The following NSUN3 variants were observed in gnomAD, a reference collection of about 807,000 sequenced individuals.
NSUN3 encodes tRNA (cytosine(34)-C(5))-methyltransferase, mitochondrial.
NSUN3 carries 24 observed loss-of-function variants against 36.8 expected under a neutral mutation model. The observed-to-expected ratio is 0.65, with a 90% CI of 0.47 to 0.92. The LOEUF (loss-of-function observed/expected upper bound fraction) is 0.92, where lower values mean the gene tolerates loss of function less well. NSUN3 is among the 40% of genes least tolerant of loss of function. NSUN3 has a pLI of 0.00. For missense variants in NSUN3, 381 were observed against 392.8 expected, an observed-to-expected ratio of 0.97 and a Z score of 0.25; for synonymous variants, 146 against 145.2, an observed-to-expected ratio of 1.01 and a Z score of -0.04.
At position 94,095,227 on chromosome 3, in the gene NSUN3, G is replaced by A. The variant is rs960867267; in HGVS notation, c.743+73G>A. On this transcript the variant is annotated intron_variant, in intron 5 of 5. Transcript: ENST00000314622. ...ACACAGGCATAATAGAACATGTCAGGCCCCCAGTGGAGGGCTTGCTGTGTA... is the reference window on the plus strand; with the variant it reads ...ACACAGGCATAATAGAACATGTCAGACCCCCAGTGGAGGGCTTGCTGTGTA... 69 of 1,450,160 alleles carry A rather than the reference G, an allele frequency of 4.8e-5. No homozygotes were observed. The South Asian group carries it at 7.8e-4, about 16-fold the overall frequency. The allele number at this position is 1,450,160 out of a possible 1,614,324, so 89.8% of individuals were successfully genotyped here. A position where few individuals can be genotyped will look rare whatever the true frequency, so the allele number is the denominator to read the frequency against.
At position 94,130,034 on chromosome 3, in the gene NSUN3, G is replaced by A. The variant is rs898535607; in HGVS notation, c.*3544G>A. On this transcript the variant is annotated 3_prime_UTR_variant, in exon 6 of 6. Coordinates refer to ENST00000314622, the MANE Select transcript of NSUN3 (RefSeq NM_022072.5). ...CTCCCAAAGTGCTGGGATTACAGGC[G>A]TGAGCCACCACACCCACTGTGTATG... 2.0e-5 allele frequency among the ~76,000 whole-genome samples: 3 copies of A among 151,986 alleles called. No individual in the cohort carries two copies. In the East Asian group the frequency reaches 5.8e-4, roughly 29 times the overall value.
chr3:94,102,060 A>G (rs961865623), intron 5 of NSUN3, among the ~76,000 whole-genome samples: 4 of 152,132 alleles, frequency 2.6e-5, no homozygotes, highest in Non-Finnish European at 4.4e-5. Flanking sequence ...ACTACTTGAC[A>G]AGTAAAATCC....
rs752675599 is a variant in NSUN3, at chr3:94,084,343, C to CG, written c.359_360insG (p.Leu121SerfsTer41). The CG allele has an allele frequency of 5.0e-6, 8 of 1,614,020 alleles. No homozygotes were observed. In the African/African-American group the frequency reaches 1.1e-4, roughly 22 times the overall value. ...AAATATTATCTCCTAAATGCTGCTT[C>CG]TCTTCTCCCAGTGTTGGCTCTGGAA... On this transcript the variant is annotated frameshift_variant, in exon 3 of 6. Coordinates refer to ENST00000314622, the MANE Select transcript of NSUN3 (RefSeq NM_022072.5). LOFTEE classifies it high-confidence loss of function.
chr3:94,063,236 C>A, intron 1 of NSUN3, 98 bp downstream of exon 1: 1 of 1,188,006 alleles, frequency 8.4e-7, no homozygotes, highest in Non-Finnish European at 1.3e-6. Context: ...GGGAACATCA[C>A]CTTTGTTCGT....
chr3:94,096,933 G>T (rs942498443), intron 5 of NSUN3, among the ~76,000 whole-genome samples: 4 of 152,092 alleles, frequency 2.6e-5, no homozygotes, highest in South Asian at 2.1e-4. Context: ...AAGCAAACAG[G>T]CTTTCTGAGA....
chr3:94,099,222 T>C (rs1220116926), intron 5 of NSUN3, among the ~76,000 whole-genome samples: 2 of 152,186 alleles, frequency 1.3e-5, no homozygotes, highest in East Asian at 3.9e-4. Flanking sequence ...AAAACATGGC[T>C]ATAGAGTTTA....
chr3:94,115,701 T>G (rs1210880269), intron 5 of NSUN3, among the ~76,000 whole-genome samples: 3 of 152,222 alleles, frequency 2.0e-5, no homozygotes, highest in Non-Finnish European at 4.4e-5. Context: ...TATTCTTTTC[T>G]GCTCAGCCCT....
At chr3:94,087,698 T>C (rs543976371) in intron 3 of NSUN3, among the ~76,000 whole-genome samples, 37 of 152,174 alleles carry the variant, frequency 2.4e-4, no homozygotes, top group Non-Finnish European at 5.0e-4. Context: ...TGAGACAAGG[T>C]CTTGCTCTGT....
rs1417206581 is a variant in NSUN3, at chr3:94,127,298, T to A, written c.*808T>A. ...ATCACTGAACTATATTTGGAGAGTT[T>A]TGTTACATAATTGCAGTCATAATGA... On this transcript the variant is annotated 3_prime_UTR_variant, in exon 6 of 6. Transcript: ENST00000314622. The A allele has an allele frequency of 6.6e-6, 1 of 152,220 alleles. No individual in the cohort carries two copies. Among genetic ancestry groups the A allele is most frequent in the Non-Finnish European group, 1.5e-5 (1 of 68,034 alleles). The allele number at this position is 152,220 out of a possible 1,614,324, so 9.4% of individuals were successfully genotyped here. A position where few individuals can be genotyped will look rare whatever the true frequency, so the allele number is the denominator to read the frequency against.
At chr3:94,076,503 G>A in intron 2 of NSUN3, 3 of 786,648 alleles carry the variant, frequency 3.8e-6, no homozygotes, top group Non-Finnish European at 4.7e-6. Context: ...ACTACTGTAT[G>A]CCCTGTAAAG....
At chr3:94,114,729 G>A (rs945602451) in intron 5 of NSUN3, among the ~76,000 whole-genome samples, 2 of 152,158 alleles carry the variant, frequency 1.3e-5, no homozygotes, top group African/African-American at 4.8e-5. Flanking sequence ...AGTAAGCATA[G>A]CACCAAATAG....
chr3:94,128,375 C>T lies in NSUN3; in HGVS notation c.*1885C>T, dbSNP rs191024945. On this transcript the variant is annotated 3_prime_UTR_variant, in exon 6 of 6. Coordinates refer to ENST00000314622, the MANE Select transcript of NSUN3 (RefSeq NM_022072.5). ...ATCATTATTAGTTTGTTTTTTTTAT[C>T]TTCAGACACTATAGGTTTTAAAAAT... 1 of 151,574 alleles carries T rather than the reference C, an allele frequency of 6.6e-6. No homozygotes were observed. The highest frequency in any genetic ancestry group is 2.4e-5 in the African/African-American group (1 of 41,332). 9.4% of individuals were successfully genotyped at this position (151,574 alleles called of 1,614,324 possible).
At chr3:94,076,532 A>T in intron 2 of NSUN3, 1 of 796,560 alleles carries the variant, frequency 1.3e-6, no homozygotes, top group Admixed American at 1.7e-5. Flanking sequence ...TGCATCCACC[A>T]CATTTCCCTC....
chr3:94,086,090 C>G (rs2077291850), intron 3 of NSUN3, among the ~76,000 whole-genome samples: 1 of 151,918 alleles, frequency 6.6e-6, no homozygotes, highest in African/African-American at 2.4e-5. Context: ...ATTACAGGTG[C>G]CCACCACCAT....
At chr3:94,086,355 T>A (rs527643945) in intron 3 of NSUN3, among the ~76,000 whole-genome samples, 2 of 152,326 alleles carry the variant, frequency 1.3e-5, no homozygotes, top group African/African-American at 4.8e-5. Context: ...GAAGCTTGCT[T>A]GTCATTTGTA....
chr3:94,098,598 T>C (rs1162618903), intron 5 of NSUN3, among the ~76,000 whole-genome samples: 1 of 152,210 alleles, frequency 6.6e-6, no homozygotes, highest in African/African-American at 2.4e-5. Context: ...AAGTCCTCTT[T>C]TGACCTGGCC....
Position 94,128,437 on chromosome 3 carries a change from T to C in NSUN3, c.*1947T>C, listed in dbSNP as rs2077496474. ...ATGTAGGTTAATCACAGAGTAAATC[T>C]GCACACTGTACTTTGTTAAATGTCG... On this transcript the variant is annotated 3_prime_UTR_variant, in exon 6 of 6. Coordinates refer to ENST00000314622, the MANE Select transcript of NSUN3 (RefSeq NM_022072.5). The C allele has an allele frequency of 6.6e-6, 1 of 151,938 alleles. No homozygotes were observed. The highest frequency in any genetic ancestry group is 1.5e-5 in the Non-Finnish European group (1 of 68,002). The allele number at this position is 151,938 out of a possible 1,614,324, so 9.4% of individuals were successfully genotyped here. A position where few individuals can be genotyped will look rare whatever the true frequency, so the allele number is the denominator to read the frequency against.
At chr3:94,106,780 G>A (rs1444995095) in intron 5 of NSUN3, among the ~76,000 whole-genome samples, 3 of 151,884 alleles carry the variant, frequency 2.0e-5, no homozygotes, top group African/African-American at 7.3e-5. Flanking sequence ...GAAAGAAATG[G>A]GAACTGCTGA....
intron 2 of NSUN3, among the ~76,000 whole-genome samples, chr3:94,065,539 T>C (rs775191940): frequency 1.3e-5 from 2 of 152,340 alleles, no homozygotes; most frequent in Admixed American, 6.5e-5. Flanking sequence ...TCCATTTTTT[T>C]CTTGGATCAA....
Sources: gnomAD v4.1 joint callset for allele counts (sites outside exome capture counted in the v4.1 genomes callset) on GRCh38, gnomAD v4.1.1 for gene constraint, MANE v1.5 for transcripts, NCBI Gene and HGNC (gene_info 2026-07-23, HGNC 2026-07-21) for gene names.